Variants in KANK1 observed in about 807,000 individuals in gnomAD.
KANK1 encodes KN motif and ankyrin repeat domains 1.
KANK1 carries 109 observed loss-of-function variants against 106.2 expected under a neutral mutation model. The ratio of observed to expected loss-of-function variants is 1.03; its 90% confidence interval spans 0.88 to 1.20. The LOEUF (loss-of-function observed/expected upper bound fraction) is 1.20. KANK1 is among the 50% of genes most tolerant of loss of function. The pLI, the probability that KANK1 is intolerant of heterozygous loss-of-function variation, is 0.00. For missense variants in KANK1, 2,399 were observed against 1,710.7 expected (o/e 1.40, Z -7.10); for synonymous variants, 873 against 652.2 (o/e 1.34, Z -5.16).
At position 711,960 on chromosome 9, in the gene KANK1, C is replaced by T. The variant is rs1826234879; in HGVS notation, c.1194C>T (p.Cys398=). The T allele has an allele frequency of 1.2e-6, 2 of 1,614,018 alleles. No individual in the cohort carries two copies. The highest frequency in any genetic ancestry group is 8.5e-7 in the Non-Finnish European group (1 of 1,180,024). ...ASSELRENGE[C]RSVAVGAEEN... ...CAGAGCTCAGGGAGAATGGAGAGTGCCGGTCTGTGGCTGTGGGTGCCGAGG... is the reference window on the plus strand; with the variant it reads ...CAGAGCTCAGGGAGAATGGAGAGTGTCGGTCTGTGGCTGTGGGTGCCGAGG... Residue 398 remains cysteine (C), a synonymous_variant, in exon 3 of 12, where the codon TGC becomes TGT. Coordinates refer to ENST00000382297, the MANE Select transcript of KANK1 (RefSeq NM_015158.5).
chr9:564,222 G>A (rs1320194356), intron 1 of KANK1, among the ~76,000 whole-genome samples: 1 of 151,906 alleles, frequency 6.6e-6, no homozygotes, highest in Admixed American at 6.6e-5. Flanking sequence ...ACCACGCCCG[G>A]CTAATTTTTT....
At position 519,520 on chromosome 9, in the gene KANK1, G is replaced by T. The variant is rs950282128; in HGVS notation, c.-84+14766G>T. The stretch of plus-strand genomic sequence containing the variant: ...TAAGTTCTTTTTTAAGCAATCATTT[G>T]TGAAACTATTCACATCCTCAGATCT... On this transcript the variant is annotated intron_variant, in intron 1 of 11. Coordinates refer to ENST00000382297, the MANE Select transcript of KANK1 (RefSeq NM_015158.5). Among the ~76,000 whole-genome samples, 13 of 151,740 alleles carry T rather than the reference G, an allele frequency of 8.6e-5. 1 individual carries two copies. The highest frequency in any genetic ancestry group is 2.7e-4 in the African/African-American group (11 of 41,066).
intron 1 of KANK1, among the ~76,000 whole-genome samples, chr9:526,342 G>A (rs982328612): frequency 1.3e-5 from 2 of 151,648 alleles, no homozygotes; most frequent in Non-Finnish European, 2.9e-5. Context: ...TTGAAATATG[G>A]CTTTTATTAT....
At chr9:578,939 C>G (rs957426476) in intron 1 of KANK1, among the ~76,000 whole-genome samples, 1 of 152,184 alleles carries the variant, frequency 6.6e-6, no homozygotes, top group African/African-American at 2.4e-5. Context: ...ACTCTCATAA[C>G]TCTAGGAATT....
intron 8 of KANK1, among the ~76,000 whole-genome samples, chr9:739,486 C>G (rs930515043): frequency 2.6e-5 from 4 of 152,170 alleles, no homozygotes; most frequent in Non-Finnish European, 5.9e-5. Context: ...TTTGTTCCCT[C>G]TTTTTGGAGC....
At chr9:522,793 C>G (rs960365427) in intron 1 of KANK1, among the ~76,000 whole-genome samples, 4 of 151,688 alleles carry the variant, frequency 2.6e-5, no homozygotes, top group Non-Finnish European at 4.4e-5. Context: ...CCTGTGCTCT[C>G]CTGACCACCA....
intron 1 of KANK1, among the ~76,000 whole-genome samples, chr9:592,406 A>G (rs1282096923): frequency 2.0e-5 from 3 of 151,816 alleles, no homozygotes; most frequent in African/African-American, 4.9e-5. Flanking sequence ...CATTACATCC[A>G]TACTGAATAA....
intron 2 of KANK1, among the ~76,000 whole-genome samples, chr9:471,996 A>G (rs1314106675): frequency 1.3e-5 from 2 of 152,174 alleles, no homozygotes; most frequent in African/African-American, 4.8e-5. Context: ...AACTTCAATT[A>G]AAGAGATATA....
chr9:708,629 C>G (rs1256967804), intron 2 of KANK1, among the ~76,000 whole-genome samples: 1 of 152,106 alleles, frequency 6.6e-6, no homozygotes, highest in Non-Finnish European at 1.5e-5. Context: ...CAGATGGAAG[C>G]AGAAGTGTTC....
intron 1 of KANK1, chr9:540,360 C>T (rs1432489818): frequency 1.3e-5 from 2 of 152,128 alleles, no homozygotes; most frequent in African/African-American, 4.8e-5. Flanking sequence ...TATGTTGAAC[C>T]ATCTTTGCAT....
At chr9:529,989 A>G (rs76763569) in intron 1 of KANK1, among the ~76,000 whole-genome samples, 1 of 152,336 alleles carries the variant, frequency 6.6e-6, no homozygotes, top group East Asian at 1.9e-4. Context: ...TAAGTAAAAA[A>G]TGGTATCTCA....
intron 1 of KANK1, among the ~76,000 whole-genome samples, chr9:516,483 G>A (rs1261151552): frequency 3.3e-5 from 5 of 151,722 alleles, no homozygotes; most frequent in Non-Finnish European, 4.4e-5. Context: ...TTCAGGGCTA[G>A]CTCCCAAATG....
intron 1 of KANK1, among the ~76,000 whole-genome samples, chr9:554,638 C>T (rs1486064458): frequency 1.3e-5 from 2 of 152,120 alleles, no homozygotes; most frequent in Admixed American, 6.6e-5. Flanking sequence ...TCAGAAAAAT[C>T]GGATTCATCA....
chr9:481,510 T>G (rs1234330836), intron 3 of KANK1, among the ~76,000 whole-genome samples: 1 of 152,208 alleles, frequency 6.6e-6, no homozygotes, highest in African/African-American at 2.4e-5. Flanking sequence ...AAAGTGGAGT[T>G]GAACAGAAGT....
intron 1 of KANK1, among the ~76,000 whole-genome samples, chr9:624,842 A>C (rs1180479813): frequency 3.3e-5 from 5 of 152,084 alleles, no homozygotes; most frequent in Admixed American, 3.3e-4. Flanking sequence ...ACGCAATGAA[A>C]AAAATAGCTG....
In KANK1 at chr9:689,270, G is replaced by T. The variant is rs554047773; in HGVS notation, c.37+12261G>T. Among the ~76,000 whole-genome samples, 183 of 152,316 alleles carry T rather than the reference G, an allele frequency of 1.2e-3. 3 individuals carry two copies. Among genetic ancestry groups the T allele is most frequent in the African/African-American group, 4.2e-3 (175 of 41,562 alleles). On this transcript the variant is annotated intron_variant, in intron 2 of 11. Coordinates refer to ENST00000382297, the MANE Select transcript of KANK1 (RefSeq NM_015158.5). Reference sequence around the variant, plus strand: ...TTTTAAGCCTTCACATGTGTTTGGGGAAATGCGTTTGTTGAATAAAGGATA... The same window carrying T: ...TTTTAAGCCTTCACATGTGTTTGGGTAAATGCGTTTGTTGAATAAAGGATA...
chr9:504,842 C>A (rs2058666946), intron 1 of KANK1, 88 bp downstream of exon 1: 1 of 134,576 alleles, frequency 7.4e-6, no homozygotes, highest in South Asian at 2.4e-4. Flanking sequence ...CTCGGGCTGG[C>A]CCCGCGCGGA....
At chr9:610,816 C>A (rs760045390) in intron 1 of KANK1, among the ~76,000 whole-genome samples, 2 of 152,192 alleles carry the variant, frequency 1.3e-5, no homozygotes, top group Admixed American at 1.3e-4. Context: ...TCTTCTAGAC[C>A]CAGAGGCAGA....
At chr9:472,445 C>G (rs1243934722) in intron 2 of KANK1, among the ~76,000 whole-genome samples, 2 of 130,284 alleles carry the variant, frequency 1.5e-5, no homozygotes, top group Non-Finnish European at 2.9e-5. Context: ...CTCTCAGGAC[C>G]CAGTTGCTGA....
Sources: allele counts gnomAD v4.1 joint callset (sites outside exome capture counted in the v4.1 genomes callset), GRCh38; gene constraint gnomAD v4.1.1; transcripts MANE v1.5; gene names NCBI Gene and HGNC (gene_info 2026-07-23, HGNC 2026-07-21).